Variants in TTC34 observed in about 807,000 individuals in gnomAD.
TTC34 encodes the protein tetratricopeptide repeat domain 34.
A neutral mutation model predicts 40.7 loss-of-function variants in TTC34; 44 were observed. The observed-to-expected ratio is 1.08, with a 90% CI of 0.85 to 1.39. TTC34 has a LOEUF of 1.39. Ranked by LOEUF, TTC34 falls within the 40% of genes most tolerant of loss-of-function variation. TTC34 has a pLI of 0.00. For synonymous variants in TTC34, 422 were observed against 398.6 expected, an observed-to-expected ratio of 1.06 and a Z score of -0.70; for missense variants, 884 against 838.0, an observed-to-expected ratio of 1.05 and a Z score of -0.68.
At chr1:2,800,060 G>A (rs535508286) in exon 2 of TTC34, 57 of 398,472 alleles carry the variant, frequency 1.4e-4, no homozygotes, top group Admixed American at 4.0e-4. Flanking sequence ...GTTCGCTGCC[G>A]GTGGGATGGG....
chr1:2,686,641 C>T (rs964961446), intron 6 of TTC34, among the ~76,000 whole-genome samples: 21 of 131,942 alleles, frequency 1.6e-4, no homozygotes, highest in African/African-American at 4.7e-4. Context: ...AGCACCCACA[C>T]ACCCAGGTGA....
At chr1:2,789,582 G>T (rs780045567) in exon 3 of TTC34, 38 of 1,452,908 alleles carry the variant, frequency 2.6e-5, no homozygotes, top group Non-Finnish European at 3.0e-5. Context: ...CGTGGAGATC[G>T]CTGCAGCATC....
In TTC34 at chr1:2,687,777, G is replaced by A. The variant is rs577053291; in HGVS notation, c.2227-42214C>T. On this transcript the variant is annotated intron_variant, in intron 6 of 8. Transcript: ENST00000401095. ...GAGCAGAACCCACACCCTGAGGCGA[G>A]CATCTGACAGCCTGGGTCGGCACCC... is the stretch of plus-strand genomic sequence containing the variant. Among the ~76,000 whole-genome samples the A allele has an allele frequency of 3.5e-4, 52 of 150,650 alleles. 2 individuals carry two copies. The highest frequency in any genetic ancestry group is 1.2e-3 in the African/African-American group (50 of 40,116).
chr1:2,785,290 AC>A (rs1643566800), intron 5 of TTC34, among the ~76,000 whole-genome samples: 2 of 87,522 alleles, frequency 2.3e-5, no homozygotes, highest in South Asian at 4.4e-4. Context: ...AGGCTCTCAC[AC>A]TCCCTGTACC....
chr1:2,687,286 C>G (rs1570817284), intron 6 of TTC34, among the ~76,000 whole-genome samples: 2 of 147,220 alleles, frequency 1.4e-5, no homozygotes, highest in South Asian at 2.1e-4. Flanking sequence ...CACCCACAAC[C>G]ACAGGTGAGC....
At position 2,749,718 on chromosome 1, in the gene TTC34, C is replaced by T. The variant is rs1385952145; in HGVS notation, c.2226+33891G>A. The stretch of plus-strand genomic sequence containing the variant: ...GAGCATCTGACAGTCTGGAACAGCA[C>T]GCACAACCCCAGGTGAGCATCTGAC... On this transcript the variant is annotated intron_variant, in intron 6 of 8. Transcript: ENST00000401095. Among the ~76,000 whole-genome samples the T allele has an allele frequency of 2.6e-3, 229 of 89,370 alleles. 57 individuals are homozygous for T. Among genetic ancestry groups the T allele is most frequent in the Non-Finnish European group, 4.3e-3 (203 of 47,044 alleles). 58.6% of individuals were successfully genotyped at this position (89,370 alleles called of 152,430 possible). A position where few individuals can be genotyped will look rare whatever the true frequency, so the allele number is the denominator to read the frequency against.
intron 6 of TTC34, among the ~76,000 whole-genome samples, chr1:2,652,420 T>G (rs1235337966): frequency 6.6e-6 from 1 of 152,236 alleles, no homozygotes; most frequent in African/African-American, 2.4e-5. Context: ...AGTGAGCATC[T>G]GACAGCCTGG....
chr1:2,800,531 C>T (rs61750876), exon 2 of TTC34: 4,834 of 398,504 alleles, frequency 0.012, 196 homozygotes, highest in African/African-American at 0.089. Context: ...CGGGGTGGTC[C>T]GGGCAGAGGG....
intron 6 of TTC34, among the ~76,000 whole-genome samples, chr1:2,755,773 G>A (rs1314904726): frequency 0.18 from 4,443 of 25,230 alleles, 6 homozygotes; most frequent in Middle Eastern, 0.31. Flanking sequence ...AGCCTGGAAC[G>A]GCACCCACAC....
At chr1:2,638,210 G>GT (rs1638827908) in exon 9 of TTC34, 1 of 152,130 alleles carries the variant, frequency 6.6e-6, no homozygotes, top group African/African-American at 2.4e-5. Flanking sequence ...GCCTGACTCA[G>GT]GAAGGAACCA....
chr1:2,799,689 A>C (rs963523727), intron 2 of TTC34, among the ~76,000 whole-genome samples: 1 of 151,998 alleles, frequency 6.6e-6, no homozygotes, highest in Admixed American at 6.6e-5. Context: ...CTTCCCTCCG[A>C]CAGTCGCCCT....
At chr1:2,694,396 G>A (rs1640766558) in intron 6 of TTC34, among the ~76,000 whole-genome samples, 5 of 127,722 alleles carry the variant, frequency 3.9e-5, no homozygotes, top group South Asian at 5.3e-4. Flanking sequence ...ACACTGCCAG[G>A]CGAGCATCCG....
chr1:2,673,430 T>G (rs4648710), intron 6 of TTC34, among the ~76,000 whole-genome samples: 5 of 71,484 alleles, frequency 7.0e-5, no homozygotes, highest in Admixed American at 3.7e-4. Flanking sequence ...GCGGCAACAC[T>G]GACACCCACA....
chr1:2,645,156 T>G lies in TTC34; in HGVS notation c.2497+137A>C. The G allele has an allele frequency of 3.7e-5, 39 of 1,050,132 alleles. No individual in the cohort carries two copies. The highest frequency in any genetic ancestry group is 4.6e-5 in the Non-Finnish European group (36 of 786,432). 65.1% of individuals were successfully genotyped at this position (1,050,132 alleles called of 1,614,324 possible). ...GGGAGCAGGGCCAGAGGTCATGGGA[T>G]TTGGGGTGGAAGGGACCTTGGAAGC... is the stretch of plus-strand genomic sequence containing the variant. On this transcript the variant is annotated intron_variant, in intron 7 of 8. Coordinates refer to ENST00000401095, the Ensembl canonical transcript of TTC34. The surrounding 1 kb of genome is among the most constrained non-coding windows in gnomAD (Gnocchi z 4.7).
exon 2 of TTC34, chr1:2,800,166 G>C (rs371443524): frequency 5.5e-5 from 22 of 398,464 alleles, no homozygotes; most frequent in African/African-American, 4.3e-4. Flanking sequence ...GGTGCCCCTG[G>C]GGTCCAGAGC....
Position 2,687,228 on chromosome 1 carries a change from T to C in TTC34, c.2227-41665A>G, listed in dbSNP as rs1229329234. Among the ~76,000 whole-genome samples the C allele has an allele frequency of 4.2e-5, 6 of 142,850 alleles. 1 individual carries two copies. Among genetic ancestry groups the C allele is most frequent in the African/African-American group, 1.4e-4 (5 of 34,658 alleles). 93.7% of individuals were successfully genotyped at this position (142,850 alleles called of 152,430 possible). ...ACCTCCCGGCGAGCATCCGACAGCC[T>C]GGAGCAGCACCCACACCCCCAGGTG... On this transcript the variant is annotated intron_variant, in intron 6 of 8. Transcript: ENST00000401095.
At chr1:2,779,741 CTTG>C (rs1230759635) in intron 6 of TTC34, among the ~76,000 whole-genome samples, 3 of 152,156 alleles carry the variant, frequency 2.0e-5, no homozygotes, top group South Asian at 2.1e-4. Context: ...CTCACCAGTG[CTTG>C]TTATTTTCTT....
chr1:2,787,407 C>T, intron 4 of TTC34, 74 bp downstream of exon 4: 2 of 1,349,544 alleles, frequency 1.5e-6, no homozygotes, highest in South Asian at 3.2e-5. Flanking sequence ...GCGCCAGGGC[C>T]ACGGGAGGCC....
chr1:2,695,887 C>A (rs558272717), intron 6 of TTC34, among the ~76,000 whole-genome samples: 113 of 146,512 alleles, frequency 7.7e-4, no homozygotes, highest in Non-Finnish European at 1.2e-3. Flanking sequence ...CCGAGGCGAG[C>A]ATCTGACAGC....
Sources: gnomAD v4.1 joint callset for allele counts (sites outside exome capture counted in the v4.1 genomes callset) on GRCh38, gnomAD v4.1.1 for gene constraint, Gnocchi (gnomAD v3.1) non-coding constraint, MANE v1.5 for transcripts, NCBI Gene and HGNC (gene_info 2026-07-23, HGNC 2026-07-21) for gene names.